The following BRI3BP variants were observed in gnomAD, a reference collection of about 807,000 sequenced individuals.
BRI3BP encodes the protein BRI3-binding protein.
BRI3BP carries 7 observed loss-of-function variants against 15.8 expected under a neutral mutation model. The ratio of observed to expected loss-of-function variants is 0.44; its 90% CI spans 0.25 to 0.83. BRI3BP has a LOEUF of 0.83. BRI3BP is among the 40% of genes least tolerant of loss of function. The probability of loss-of-function intolerance (pLI) is 0.20; values close to 1 mark genes in which losing one functional copy is unlikely to be tolerated. For synonymous variants in BRI3BP, 192 were observed against 163.5 expected (o/e 1.17, Z -1.33); for missense variants, 320 against 339.3 (o/e 0.94, Z 0.45).
the BRI3BP span, among the ~76,000 whole-genome samples, chr12:125,040,686 C>T: frequency 5.3e-5 from 8 of 151,814 alleles, no homozygotes; most frequent in Non-Finnish European, 1.0e-4. Context: ...TGTTTATGGT[C>T]ACATGGAATG....
At chr12:125,020,705 T>C (rs1955290831) in intron 2 of BRI3BP, among the ~76,000 whole-genome samples, 2 of 152,192 alleles carry the variant, frequency 1.3e-5, no homozygotes, top group Non-Finnish European at 2.9e-5. Flanking sequence ...GGCAACACAG[T>C]GAGACCCTGT....
At chr12:125,024,374 T>C (rs7136323) in intron 2 of BRI3BP, among the ~76,000 whole-genome samples, 72,872 of 151,372 alleles carry the variant, frequency 0.48, 19,386 homozygotes, top group African/African-American at 0.71. Context: ...ATGAGATTTG[T>C]GTGGGAGCAC....
At chr12:125,003,956 AACAC>A (rs202194939) in intron 1 of BRI3BP, among the ~76,000 whole-genome samples, 4,002 of 38,024 alleles carry the variant, frequency 0.11, 80 homozygotes, top group Non-Finnish European at 0.11. Flanking sequence ...CCATCTCAAA[AACAC>A]ACACACACAC....
intron 2 of BRI3BP, among the ~76,000 whole-genome samples, chr12:125,016,226 C>T (rs1490594786): frequency 6.6e-6 from 1 of 152,056 alleles, no homozygotes; most frequent in African/African-American, 2.4e-5. Context: ...CATCCGAAGC[C>T]CTTTGGAATT....
At chr12:124,994,398 G>A (rs2135984334) in intron 1 of BRI3BP, among the ~76,000 whole-genome samples, 1 of 152,254 alleles carries the variant, frequency 6.6e-6, no homozygotes, top group Non-Finnish European at 1.5e-5. Context: ...GCCCTCCCCA[G>A]CTACCCCGGG....
At position 124,997,214 on chromosome 12, in the gene BRI3BP, C is replaced by CTTTTTT. The variant is rs1229802280; in HGVS notation, c.213+3225_213+3230dup. 8.2e-3 allele frequency among the ~76,000 whole-genome samples: 423 copies of CTTTTTT among 51,498 alleles called. 84 individuals are homozygous for CTTTTTT. The highest frequency in any genetic ancestry group is 0.011 in the Non-Finnish European group (335 of 31,352). The allele number at this position is 51,498 out of a possible 152,430, so 33.8% of individuals were successfully genotyped here. A position where few individuals can be genotyped will look rare whatever the true frequency, so the allele number is the denominator to read the frequency against. ...TCTCTTTTTTTTTTGCTTTACTTCT[C>CTTTTTT]TTTTTTTTTTTTTTTTTTTGAGATG... On this transcript the variant is annotated intron_variant, in intron 1 of 2. Transcript: ENST00000341446.
At chr12:125,050,634 G>A in the BRI3BP span, among the ~76,000 whole-genome samples, 2 of 152,234 alleles carry the variant, frequency 1.3e-5, no homozygotes, top group Admixed American at 6.5e-5. Flanking sequence ...GGAACCACGG[G>A]GACCAGAGCC....
intron 1 of BRI3BP, among the ~76,000 whole-genome samples, chr12:124,994,251 C>G (rs905968851): frequency 6.6e-6 from 1 of 152,014 alleles, no homozygotes; most frequent in Non-Finnish European, 1.5e-5. Flanking sequence ...GACCTTGCCT[C>G]CGCGGTCGGC....
chr12:125,046,119 C>T, the BRI3BP span, among the ~76,000 whole-genome samples: 69 of 151,564 alleles, frequency 4.6e-4, no homozygotes, highest in African/African-American at 1.6e-3. Context: ...GAGCTGAGAT[C>T]GCGCCATTGA....
chr12:125,046,200 G>C, the BRI3BP span, among the ~76,000 whole-genome samples: 1 of 151,662 alleles, frequency 6.6e-6, no homozygotes, highest in African/African-American at 2.4e-5. Context: ...ATTTTAGACA[G>C]CTGAGAATCT....
intron 1 of BRI3BP, among the ~76,000 whole-genome samples, chr12:124,996,877 G>T (rs930245668): frequency 2.0e-5 from 3 of 150,562 alleles, no homozygotes; most frequent in Non-Finnish European, 4.4e-5. Flanking sequence ...TCCTGCCTCA[G>T]CCCCCTGAGT....
chr12:125,020,567 G>A (rs1015240619), intron 2 of BRI3BP, among the ~76,000 whole-genome samples: 3 of 152,232 alleles, frequency 2.0e-5, no homozygotes, highest in Non-Finnish European at 2.9e-5. Context: ...ATTTGAAAAT[G>A]AGTTAATGAT....
the BRI3BP span, among the ~76,000 whole-genome samples, chr12:125,040,026 C>T: frequency 2.6e-5 from 4 of 152,094 alleles, no homozygotes; most frequent in Non-Finnish European, 5.9e-5. Flanking sequence ...CACTTTGGGA[C>T]GCCAAGGCAG....
chr12:125,010,836 A>G (rs11835533), intron 1 of BRI3BP, among the ~76,000 whole-genome samples: 20,976 of 151,590 alleles, frequency 0.14, 1,536 homozygotes, highest in Admixed American at 0.16. Context: ...GCTCACGCCT[A>G]TAATCCCAGC....
the BRI3BP span, among the ~76,000 whole-genome samples, chr12:125,049,253 T>A: frequency 6.6e-6 from 1 of 152,138 alleles, no homozygotes; most frequent in Non-Finnish European, 1.5e-5. Flanking sequence ...CCATCCTATC[T>A]ATCAAAAGCA....
rs201022683 is a variant in BRI3BP at position 125,026,569 on chromosome 12, A to G, written c.*1139A>G. The G allele has an allele frequency of 1.3e-5, 2 of 152,256 alleles. No individual in the cohort carries two copies. The highest frequency in any genetic ancestry group is 3.9e-4 in the East Asian group (2 of 5,178). The allele number at this position is 152,256 out of a possible 1,614,324, so 9.4% of individuals were successfully genotyped here. On this transcript the variant is annotated 3_prime_UTR_variant, in exon 3 of 3. Coordinates refer to ENST00000341446, the MANE Select transcript of BRI3BP (RefSeq NM_080626.6). ...AGAGAGTGGGACTTGCGAGGTGGAC[A>G]GCTGTGGGGATCCTGGGCAAGGGAG...
intron 2 of BRI3BP, among the ~76,000 whole-genome samples, chr12:125,016,077 A>T (rs896454139): frequency 6.6e-6 from 1 of 152,166 alleles, no homozygotes; most frequent in Admixed American, 6.5e-5. Context: ...AGAAGCCCAG[A>T]ATAGAGGCAT....
chr12:125,002,940 G>T (rs908096391), intron 1 of BRI3BP, among the ~76,000 whole-genome samples: 4 of 152,206 alleles, frequency 2.6e-5, no homozygotes, highest in African/African-American at 9.6e-5. Flanking sequence ...GTTGGTTGAC[G>T]CTGAATTTGA....
chr12:125,032,076 A>G (rs1032063273), downstream of BRI3BP, among the ~76,000 whole-genome samples: 3 of 152,162 alleles, frequency 2.0e-5, no homozygotes, highest in East Asian at 5.8e-4. Flanking sequence ...GAGGACGTGC[A>G]GTAGGTAGTA....
Sources: allele counts gnomAD v4.1 joint callset (sites outside exome capture counted in the v4.1 genomes callset), GRCh38; gene constraint gnomAD v4.1.1; transcripts MANE v1.5; gene names NCBI Gene and HGNC (gene_info 2026-07-23, HGNC 2026-07-21).